FIGN: variants seen among roughly 807,000 people sequenced by gnomAD.
FIGN encodes fidgetin, microtubule severing factor, also known as fidgetin.
FIGN carries 11 observed loss-of-function variants against 51.3 expected under a neutral mutation model. That is an observed-to-expected ratio of 0.21 (90% CI 0.13 to 0.35). FIGN has a LOEUF of 0.35. FIGN is among the 10% of genes least tolerant of loss of function. FIGN has a pLI of 1.00. For missense variants in FIGN, 857 were observed against 943.6 expected (o/e 0.91, Z 1.20); for synonymous variants, 407 against 363.2 (o/e 1.12, Z -1.37).
intron 2 of FIGN, among the ~76,000 whole-genome samples, chr2:163,654,423 G>C (rs891504550): frequency 7.2e-5 from 11 of 152,074 alleles, no homozygotes; most frequent in African/African-American, 2.7e-4. Context: ...TGAAGATGTT[G>C]ACATACTAAT....
Position 163,611,229 on chromosome 2 carries a change from C to T in FIGN, c.603G>A (p.Gln201=). 1.2e-6 allele frequency: 2 copies of T among 1,614,086 alleles called. No homozygotes were observed. Among genetic ancestry groups the T allele is most frequent in the South Asian group, 1.1e-5 (1 of 91,082 alleles). ...GSYLHSTYSS[Q]PAPALPSPHP... The stretch of plus-strand genomic sequence containing the variant: ...GAGGTGAAGGAAGTGCAGGTGCTGG[C>T]TGGCTACTATAAGTAGAATGCAAAT... Residue 201 remains glutamine (Q), a synonymous_variant, in exon 3 of 3, where the codon CAG becomes CAA. Coordinates refer to ENST00000333129, the MANE Select transcript of FIGN (RefSeq NM_018086.4).
In FIGN at chr2:163,621,637, C is replaced by T. The variant is rs538377052; in HGVS notation, c.26-9831G>A. Among the ~76,000 whole-genome samples, 9 of 152,198 alleles carry T rather than the reference C, an allele frequency of 5.9e-5. No individual in the cohort carries two copies. In the South Asian group the frequency reaches 1.9e-3, roughly 32 times the overall value. ...ACCTCTTCATTTTCCCCACCCTGCCCCCTTCTAGTGAAATAGACCTGGTGA... is the reference window on the plus strand; with the variant it reads ...ACCTCTTCATTTTCCCCACCCTGCCTCCTTCTAGTGAAATAGACCTGGTGA... On this transcript the variant is annotated intron_variant, in intron 2 of 2. Transcript: ENST00000333129.
At position 163,609,595 on chromosome 2, in the gene FIGN, T is replaced by A. The variant is rs761003542; in HGVS notation, c.2237A>T (p.Asp746Val). The A allele has an allele frequency of 6.2e-7, 1 of 1,614,082 alleles. No individual in the cohort carries two copies. Reference protein sequence around the residue: ...IQPSISQKELDMYVEWNKMFG... With the variant: ...IQPSISQKELVMYVEWNKMFG... ...CATTTTGTTCCATTCAACATACATA[T>A]CAAGCTCCTTTTGAGATATGCTAGG... The change falls in exon 3 of 3, where the codon GAT becomes GTT. Residue 746 changes from aspartate (D) to valine (V), a missense_variant. Coordinates refer to ENST00000333129, the MANE Select transcript of FIGN (RefSeq NM_018086.4).
At chr2:163,669,161 G>T (rs372157166) in intron 2 of FIGN, among the ~76,000 whole-genome samples, 2 of 151,918 alleles carry the variant, frequency 1.3e-5, no homozygotes, top group East Asian at 3.9e-4. Context: ...AATATGGAGT[G>T]CATTTCTTAA....
chr2:163,726,146 G>A (rs1684835114), intron 2 of FIGN, among the ~76,000 whole-genome samples: 1 of 152,010 alleles, frequency 6.6e-6, no homozygotes, highest in Non-Finnish European at 1.5e-5. Context: ...TTCCAAAGCT[G>A]GTAATATTTT....
intron 2 of FIGN, among the ~76,000 whole-genome samples, chr2:163,660,670 C>CAT (rs147952912): frequency 0.3 from 16,176 of 53,850 alleles, 3,932 homozygotes; most frequent in Non-Finnish European, 0.48. Flanking sequence ...TATACATATA[C>CAT]ATATATATAT....
intron 2 of FIGN, among the ~76,000 whole-genome samples, chr2:163,673,889 G>A (rs796407355): frequency 1.3e-5 from 2 of 152,120 alleles, no homozygotes; most frequent in Non-Finnish European, 2.9e-5. Flanking sequence ...TAATATCTCA[G>A]TTTCCTCACC....
chr2:163,706,763 G>A (rs546686340), intron 2 of FIGN, among the ~76,000 whole-genome samples: 21 of 152,228 alleles, frequency 1.4e-4, no homozygotes, highest in Admixed American at 9.2e-4. Context: ...AATATTAGTT[G>A]TGCATCACAC....
chr2:163,629,606 T>A (rs1260112359), intron 2 of FIGN, among the ~76,000 whole-genome samples: 1 of 152,078 alleles, frequency 6.6e-6, no homozygotes, highest in East Asian at 1.9e-4. Flanking sequence ...CCAAATCCAG[T>A]GTGATATCTT....
At chr2:163,637,205 C>T (rs1173051221) in intron 2 of FIGN, among the ~76,000 whole-genome samples, 3 of 152,166 alleles carry the variant, frequency 2.0e-5, no homozygotes, top group Admixed American at 2.0e-4. Context: ...AGAAATGCAA[C>T]AGTAGCAATC....
Position 163,658,364 on chromosome 2 carries a change from G to GCTCTCTCT in FIGN, c.26-46566_26-46559dup, listed in dbSNP as rs55894952. 3.9e-3 allele frequency among the ~76,000 whole-genome samples: 536 copies of GCTCTCTCT among 137,640 alleles called. 6 individuals are homozygous for GCTCTCTCT. Among genetic ancestry groups the GCTCTCTCT allele is most frequent in the African/African-American group, 9.6e-3 (346 of 36,040 alleles). The allele number at this position is 137,640 out of a possible 152,430, so 90.3% of individuals were successfully genotyped here. ...TATCAGCGAATCTTCTTAAGAAACAGCTCTCTCTCTCTCTCTCTCTCTCTC... is the reference window on the plus strand; with the variant it reads ...TATCAGCGAATCTTCTTAAGAAACAGCTCTCTCTCTCTCTCTCTCTCTCTCTCTCTCTC... On this transcript the variant is annotated intron_variant, in intron 2 of 2. Transcript: ENST00000333129.
chr2:163,688,310 A>C (rs1198493329), intron 2 of FIGN, among the ~76,000 whole-genome samples: 1 of 152,240 alleles, frequency 6.6e-6, no homozygotes, highest in Non-Finnish European at 1.5e-5. Context: ...TAGGTCTGAC[A>C]ATCACATTAT....
Position 163,668,015 on chromosome 2 carries a change from C to CCA in FIGN, c.26-56210_26-56209insTG, listed in dbSNP as rs754546857. On this transcript the variant is annotated intron_variant, in intron 2 of 2. Transcript: ENST00000333129. ...GGAAAGAGAACACCCCTACCTCCAA[C>CCA]CCCCCCCCCCAAAAAACCCTCCACA... Among the ~76,000 whole-genome samples, 4 of 60,452 alleles carry CCA rather than the reference C, an allele frequency of 6.6e-5. 1 individual carries two copies. Among genetic ancestry groups the CCA allele is most frequent in the African/African-American group, 6.2e-4 (4 of 6,456 alleles). The allele number at this position is 60,452 out of a possible 152,430, so 39.7% of individuals were successfully genotyped here.
chr2:163,650,518 T>A (rs1174700847), intron 2 of FIGN, among the ~76,000 whole-genome samples: 1 of 152,124 alleles, frequency 6.6e-6, no homozygotes, highest in Non-Finnish European at 1.5e-5. Context: ...CATTAGGTAT[T>A]TCTCCTAATG....
intron 2 of FIGN, among the ~76,000 whole-genome samples, chr2:163,668,753 A>C (rs1683825331): frequency 6.6e-6 from 1 of 152,012 alleles, no homozygotes; most frequent in Non-Finnish European, 1.5e-5. Flanking sequence ...ATCCTGGCTA[A>C]CACGGTGAAA....
At chr2:163,695,072 C>G (rs949973975) in intron 2 of FIGN, among the ~76,000 whole-genome samples, 1 of 78,924 alleles carries the variant, frequency 1.3e-5, no homozygotes, top group Non-Finnish European at 2.8e-5. Context: ...AGCTCGGTGT[C>G]TCTGTCTCTT....
At chr2:163,681,264 C>T (rs532145930) in intron 2 of FIGN, among the ~76,000 whole-genome samples, 28 of 152,000 alleles carry the variant, frequency 1.8e-4, no homozygotes, top group South Asian at 1.7e-3. Context: ...GGATTTGAAA[C>T]GCTTCATTAA....
chr2:163,697,784 A>G (rs1052036175), intron 2 of FIGN, among the ~76,000 whole-genome samples: 3 of 152,212 alleles, frequency 2.0e-5, no homozygotes, highest in Non-Finnish European at 2.9e-5. Context: ...AATAAGAGTT[A>G]TACCTTGAGG....
At chr2:163,675,759 T>C (rs1683951098) in intron 2 of FIGN, among the ~76,000 whole-genome samples, 1 of 142,132 alleles carries the variant, frequency 7.0e-6, no homozygotes, top group Non-Finnish European at 1.5e-5. Context: ...TTCTTTTCAA[T>C]TGTATGGAAA....
Sources: gnomAD v4.1 joint callset for allele counts (sites outside exome capture counted in the v4.1 genomes callset) on GRCh38, gnomAD v4.1.1 for gene constraint, MANE v1.5 for transcripts, NCBI Gene and HGNC (gene_info 2026-07-23, HGNC 2026-07-21) for gene names.